The following MYT1L variants were observed in gnomAD, a reference collection of about 807,000 sequenced individuals.
MYT1L encodes myelin transcription factor 1-like protein.
A neutral mutation model predicts 126.7 loss-of-function variants in MYT1L; 12 were observed. The ratio of observed to expected loss-of-function variants is 0.09; its 90% CI spans 0.06 to 0.15. The LOEUF (loss-of-function observed/expected upper bound fraction) is 0.15. Among genes scored for constraint, MYT1L ranks in the 10% least tolerant of loss-of-function variants. The probability of loss-of-function intolerance (pLI) is 1.00; values close to 1 mark genes in which losing one functional copy is unlikely to be tolerated. For synonymous variants in MYT1L, 541 were observed against 604.2 expected (o/e 0.90, Z 1.53); for missense variants, 979 against 1,585.2 (o/e 0.62, Z 6.49).
chr2:2,059,153 C>G lies in MYT1L; in HGVS notation c.-303-5030G>C, dbSNP rs987815109. On this transcript the variant is annotated intron_variant, in intron 3 of 24. Coordinates refer to ENST00000647738, the MANE Select transcript of MYT1L (RefSeq NM_001303052.2). The surrounding 1 kb of genome is among the most constrained non-coding windows in gnomAD (Gnocchi z 4.7). ...TGCGTGTCACCCACACTGGCGGGAA[C>G]TGAATGGCCGTTCCCATTTCTCTGA... Among the ~76,000 whole-genome samples the G allele has an allele frequency of 6.6e-6, 1 of 152,210 alleles. No individual in the cohort carries two copies. The highest frequency in any genetic ancestry group is 1.5e-5 in the Non-Finnish European group (1 of 68,034).
At chr2:1,830,420 C>T (rs1039943038) in intron 21 of MYT1L, among the ~76,000 whole-genome samples, 2 of 152,046 alleles carry the variant, frequency 1.3e-5, no homozygotes, top group African/African-American at 2.4e-5. Context: ...TGAACAGCCT[C>T]CACTGACATT....
At chr2:2,038,869 C>A (rs1453892510) in intron 4 of MYT1L, among the ~76,000 whole-genome samples, 1 of 152,110 alleles carries the variant, frequency 6.6e-6, no homozygotes, top group African/African-American at 2.4e-5. Flanking sequence ...CTGAACTCAG[C>A]CCTTCTTATG....
intron 3 of MYT1L, among the ~76,000 whole-genome samples, chr2:2,130,745 T>C (rs2082264501): frequency 6.6e-6 from 1 of 152,182 alleles, no homozygotes; most frequent in African/African-American, 2.4e-5. Context: ...ACATAGATGC[T>C]TTTGTGAGTG....
chr2:1,964,166 A>C (rs1380042248), intron 8 of MYT1L, among the ~76,000 whole-genome samples: 1 of 152,204 alleles, frequency 6.6e-6, no homozygotes. Context: ...CCTGAGGAGC[A>C]GGGAGAGGTG....
intron 1 of MYT1L, among the ~76,000 whole-genome samples, chr2:2,286,159 T>G (rs190808722): frequency 2.6e-5 from 4 of 152,290 alleles, no homozygotes; most frequent in Non-Finnish European, 4.4e-5. Context: ...ATTTTTGTAT[T>G]TTTAGTAGAG....
intron 2 of MYT1L, among the ~76,000 whole-genome samples, chr2:2,279,960 A>G (rs1165384742): frequency 4.6e-5 from 7 of 152,238 alleles, no homozygotes; most frequent in African/African-American, 1.4e-4. Flanking sequence ...TAAGAGGTAA[A>G]TGAAACAAAA....
intron 1 of MYT1L, among the ~76,000 whole-genome samples, chr2:2,295,226 G>A (rs58576053): frequency 0.05 from 7,685 of 152,240 alleles, 407 homozygotes; most frequent in African/African-American, 0.14. Context: ...TGATCTGATG[G>A]GAAGAGACAG....
intron 3 of MYT1L, among the ~76,000 whole-genome samples, chr2:2,074,041 G>A (rs2074939932): frequency 6.6e-6 from 1 of 152,204 alleles, no homozygotes; most frequent in Non-Finnish European, 1.5e-5. Context: ...GGCCTAGCAA[G>A]AGGAAATCAT....
In MYT1L at chr2:1,887,659, C is replaced by T; in HGVS notation, c.2521-50G>A. ...GCCACACGGATGATCACATGGCACA[C>T]AGACTGAGGGAGGTGGTTCGTGGCT... On this transcript the variant is annotated intron_variant, in intron 16 of 24. Coordinates refer to ENST00000647738, the MANE Select transcript of MYT1L (RefSeq NM_001303052.2). The surrounding 1 kb of genome is among the most constrained non-coding windows in gnomAD (Gnocchi z 4.8). 6.2e-7 allele frequency: 1 copy of T among 1,613,206 alleles called. No individual in the cohort carries two copies. The highest frequency in any genetic ancestry group is 8.5e-7 in the Non-Finnish European group (1 of 1,179,486).
intron 2 of MYT1L, among the ~76,000 whole-genome samples, chr2:2,271,694 G>A (rs549207899): frequency 3.0e-4 from 46 of 152,282 alleles, no homozygotes; most frequent in African/African-American, 8.9e-4. Context: ...GGTTTCTAGC[G>A]AGGGCCTGCA....
chr2:2,257,316 C>T (rs537130821), intron 2 of MYT1L, among the ~76,000 whole-genome samples: 17 of 152,292 alleles, frequency 1.1e-4, no homozygotes, highest in African/African-American at 3.4e-4. Flanking sequence ...AAATGACTGA[C>T]GGTTTTCTCT....
Position 1,902,445 on chromosome 2 carries a change from C to T in MYT1L, c.2032+635G>A, listed in dbSNP as rs996408087. 6.6e-5 allele frequency among the ~76,000 whole-genome samples: 10 copies of T among 152,290 alleles called. No individual in the cohort carries two copies. In the East Asian group the frequency reaches 1.4e-3, roughly 21 times the overall value. On this transcript the variant is annotated intron_variant, in intron 14 of 24. Coordinates refer to ENST00000647738, the MANE Select transcript of MYT1L (RefSeq NM_001303052.2). The stretch of plus-strand genomic sequence containing the variant: ...CCCAGTCACAGGGGGACTCCGGTGC[C>T]GGTCTTCTGTGAAGAGGCGACAAGG...
intron 2 of MYT1L, among the ~76,000 whole-genome samples, chr2:2,260,031 G>A (rs1392117931): frequency 3.9e-5 from 6 of 152,170 alleles, no homozygotes; most frequent in Admixed American, 1.3e-4. Flanking sequence ...TTTTACACAC[G>A]TCTTGACATT....
At chr2:2,112,035 G>A (rs1320709948) in intron 3 of MYT1L, among the ~76,000 whole-genome samples, 7 of 152,212 alleles carry the variant, frequency 4.6e-5, no homozygotes, top group African/African-American at 1.7e-4. Flanking sequence ...CCAGCTTCCT[G>A]AGGAGCGTCA....
At chr2:2,129,702 C>G (rs567327569) in intron 3 of MYT1L, among the ~76,000 whole-genome samples, 1 of 152,076 alleles carries the variant, frequency 6.6e-6, no homozygotes, top group South Asian at 2.1e-4. Context: ...GTCAGGAGAT[C>G]GAGACCATCC....
At chr2:2,152,829 T>C (rs2086036864) in intron 3 of MYT1L, among the ~76,000 whole-genome samples, 1 of 152,218 alleles carries the variant, frequency 6.6e-6, no homozygotes, top group African/African-American at 2.4e-5. Context: ...TAGGAGTTCC[T>C]TGGAGGGGTC....
intron 2 of MYT1L, among the ~76,000 whole-genome samples, chr2:2,221,251 C>T (rs6711203): frequency 0.73 from 109,826 of 151,346 alleles, 40,124 homozygotes; most frequent in East Asian, 0.78. Context: ...GACTGGGAGC[C>T]GCTGGCATAG....
intron 2 of MYT1L, among the ~76,000 whole-genome samples, chr2:2,196,641 T>A (rs1038695054): frequency 6.6e-6 from 1 of 151,904 alleles, no homozygotes; most frequent in South Asian, 2.1e-4. Flanking sequence ...AGTTAAAGCA[T>A]TGGTAATTTC....
intron 8 of MYT1L, among the ~76,000 whole-genome samples, chr2:1,955,486 C>A (rs2058266366): frequency 6.6e-6 from 1 of 152,058 alleles, no homozygotes; most frequent in Non-Finnish European, 1.5e-5. Context: ...GCAAAATATG[C>A]CTCTCTAGAG....
Sources: gnomAD v4.1 joint callset for allele counts (sites outside exome capture counted in the v4.1 genomes callset) on GRCh38, gnomAD v4.1.1 for gene constraint, Gnocchi (gnomAD v3.1) non-coding constraint, MANE v1.5 for transcripts, NCBI Gene and HGNC (gene_info 2026-07-23, HGNC 2026-07-21) for gene names.